The following ARHGAP28 variants were observed in gnomAD, a reference collection of about 807,000 sequenced individuals.
ARHGAP28 encodes rho GTPase-activating protein 28.
Under a neutral mutation model 90.7 loss-of-function variants are expected in ARHGAP28, and 56 were observed. That is an observed-to-expected ratio of 0.62 (90% CI 0.50 to 0.77). ARHGAP28 has a LOEUF of 0.77. Among genes scored for constraint, ARHGAP28 ranks in the 30% least tolerant of loss-of-function variants. The pLI is 0.00. For synonymous variants in ARHGAP28, 308 were observed against 323.3 expected (o/e 0.95, Z 0.51); for missense variants, 869 against 900.9 (o/e 0.96, Z 0.45).
At chr18:6,800,861 A>T (rs1223184649) in intron 1 of ARHGAP28, among the ~76,000 whole-genome samples, 2 of 152,216 alleles carry the variant, frequency 1.3e-5, no homozygotes, top group Admixed American at 6.5e-5. Context: ...AGTATAATTT[A>T]AAAAATACAG....
chr18:6,773,006 G>T (rs2056255945), intron 1 of ARHGAP28, among the ~76,000 whole-genome samples: 1 of 152,150 alleles, frequency 6.6e-6, no homozygotes, highest in African/African-American at 2.4e-5. Flanking sequence ...CTCCTAAAGT[G>T]CTGGGATTGT....
chr18:6,907,098 A>G (rs8094975), intron 16 of ARHGAP28, among the ~76,000 whole-genome samples: 3,242 of 152,312 alleles, frequency 0.021, 97 homozygotes, highest in African/African-American at 0.074. Context: ...AATTAAAACC[A>G]CAATTGCATA....
At chr18:6,776,357 T>A (rs2056283298) in intron 1 of ARHGAP28, among the ~76,000 whole-genome samples, 1 of 152,212 alleles carries the variant, frequency 6.6e-6, no homozygotes, top group African/African-American at 2.4e-5. Context: ...ACAGACTGAA[T>A]GTGGATATTT....
At chr18:6,850,441 AC>A (rs574808782) in intron 3 of ARHGAP28, among the ~76,000 whole-genome samples, 5 of 152,346 alleles carry the variant, frequency 3.3e-5, no homozygotes, top group African/African-American at 1.2e-4. Context: ...TTCTTACAAA[AC>A]AAGAGGCTTA....
chr18:6,880,578 T>A (rs1209105316), intron 10 of ARHGAP28, among the ~76,000 whole-genome samples: 1 of 152,248 alleles, frequency 6.6e-6, no homozygotes, highest in East Asian at 1.9e-4. Flanking sequence ...GCACTGGCGC[T>A]CGCTGCTCTC....
At chr18:6,818,347 T>C (rs1567957428) in intron 1 of ARHGAP28, among the ~76,000 whole-genome samples, 2 of 152,152 alleles carry the variant, frequency 1.3e-5, no homozygotes, top group African/African-American at 4.8e-5. Flanking sequence ...TAAGAACAAT[T>C]ACAGGAGGGA....
intron 1 of ARHGAP28, among the ~76,000 whole-genome samples, chr18:6,766,290 T>C (rs543998769): frequency 1.3e-5 from 2 of 152,360 alleles, no homozygotes; most frequent in East Asian, 3.9e-4. Flanking sequence ...TCTCAGGGCA[T>C]ACTCATTTAG....
intron 10 of ARHGAP28, 65 bp from the exon 11 acceptor site, chr18:6,882,072 G>A (rs2057182811): frequency 1.4e-5 from 20 of 1,474,594 alleles, no homozygotes; most frequent in East Asian, 6.9e-5. Context: ...AACAGTTTTC[G>A]AAGGGGAAAA....
At chr18:6,812,437 A>G (rs2143695565) in intron 1 of ARHGAP28, among the ~76,000 whole-genome samples, 1 of 152,324 alleles carries the variant, frequency 6.6e-6, no homozygotes, top group East Asian at 1.9e-4. Context: ...AGGAATGGCT[A>G]TCATGATGAA....
At chr18:6,729,994 G>A in intron 1 of ARHGAP28, 51 bp downstream of exon 1, 2 of 1,297,750 alleles carry the variant, frequency 1.5e-6, no homozygotes, top group Non-Finnish European at 9.8e-7. Flanking sequence ...GGGCTTGGGG[G>A]GTTCGCCGTG....
At chr18:6,847,380 G>A (rs923722249) in intron 3 of ARHGAP28, among the ~76,000 whole-genome samples, 14 of 151,954 alleles carry the variant, frequency 9.2e-5, no homozygotes, top group African/African-American at 3.4e-4. Flanking sequence ...CCAAACTAGA[G>A]GAAAAATATA....
At chr18:6,847,630 G>GATGT (rs113144982) in intron 3 of ARHGAP28, among the ~76,000 whole-genome samples, 2 of 150,298 alleles carry the variant, frequency 1.3e-5, no homozygotes, top group Admixed American at 6.6e-5. Flanking sequence ...AGAGAGTGGG[G>GATGT]GTGTGTGTGT....
In ARHGAP28 at chr18:6,800,604, CAAG is replaced by C. The variant is rs549863303; in HGVS notation, c.123-24155_123-24153del. 7.7e-3 allele frequency among the ~76,000 whole-genome samples: 1,165 copies of C among 152,250 alleles called. 14 individuals carry two copies. Among genetic ancestry groups the C allele is most frequent in the African/African-American group, 0.026 (1,090 of 41,526 alleles). ...AACCATCATTCTCAGCAAACTAACA[CAAG>C]AACAGAAAACCAAACACTGCATGTT... On this transcript the variant is annotated intron_variant, in intron 1 of 17. Transcript: ENST00000383472.
At chr18:6,890,336 G>C in intron 13 of ARHGAP28, 94 bp from the exon 14 acceptor site, 1 of 820,804 alleles carries the variant, frequency 1.2e-6, no homozygotes, top group Non-Finnish European at 1.9e-6. Flanking sequence ...AGGATACCGA[G>C]TGACTGGGAG....
intron 1 of ARHGAP28, among the ~76,000 whole-genome samples, chr18:6,752,467 T>C (rs2056077268): frequency 1.3e-5 from 2 of 152,214 alleles, no homozygotes; most frequent in South Asian, 2.1e-4. Flanking sequence ...TAAAATTTCT[T>C]ACAAGCTTTT....
At chr18:6,880,141 ACTC>A (rs1302911476) in intron 10 of ARHGAP28, among the ~76,000 whole-genome samples, 5 of 151,182 alleles carry the variant, frequency 3.3e-5, no homozygotes, top group Admixed American at 6.6e-5. Context: ...GGAAATGCTT[ACTC>A]CTCCTCCTGT....
At chr18:6,805,801 TGA>T (rs1465599278) in intron 1 of ARHGAP28, among the ~76,000 whole-genome samples, 1 of 152,054 alleles carries the variant, frequency 6.6e-6, no homozygotes, top group Admixed American at 6.6e-5. Context: ...TCTTTTTAAT[TGA>T]GAGGTTTACA....
intron 9 of ARHGAP28, among the ~76,000 whole-genome samples, chr18:6,874,208 C>T (rs1486204107): frequency 6.6e-6 from 1 of 152,160 alleles, no homozygotes; most frequent in Non-Finnish European, 1.5e-5. Context: ...ATAGCATAGG[C>T]TGGGTTTTAA....
chr18:6,861,611 C>T (rs2056999359), intron 5 of ARHGAP28, among the ~76,000 whole-genome samples: 1 of 152,156 alleles, frequency 6.6e-6, no homozygotes, highest in Non-Finnish European at 1.5e-5. Flanking sequence ...TCCATGCACA[C>T]ACCACCAGAA....
Sources: allele counts gnomAD v4.1 joint callset (sites outside exome capture counted in the v4.1 genomes callset), GRCh38; gene constraint gnomAD v4.1.1; transcripts MANE v1.5; gene names NCBI Gene and HGNC (gene_info 2026-07-23, HGNC 2026-07-21).